NXN: variants seen among roughly 807,000 people sequenced by gnomAD.
The protein encoded by NXN is nucleoredoxin.
Under a neutral mutation model 48.6 loss-of-function variants are expected in NXN, and 16 were observed. The observed-to-expected ratio is 0.33, with a 90% CI of 0.22 to 0.50. NXN has a LOEUF of 0.50. Ranked by LOEUF, NXN falls within the 20% of genes least tolerant of loss-of-function variation. The probability of loss-of-function intolerance (pLI) is 0.98; values close to 1 mark genes in which losing one functional copy is unlikely to be tolerated. For missense variants in NXN, 492 were observed against 605.5 expected, an observed-to-expected ratio of 0.81 and a Z score of 1.97; for synonymous variants, 281 against 269.6, an observed-to-expected ratio of 1.04 and a Z score of -0.41.
intron 1 of NXN, among the ~76,000 whole-genome samples, chr17:929,048 T>C (rs1021736063): frequency 1.3e-5 from 2 of 152,224 alleles, no homozygotes; most frequent in African/African-American, 4.8e-5. Flanking sequence ...TGTGCTTTGT[T>C]TGGCTTTGCC....
intron 1 of NXN, among the ~76,000 whole-genome samples, chr17:827,579 C>T (rs1316051300): frequency 1.3e-5 from 2 of 152,166 alleles, no homozygotes; most frequent in African/African-American, 4.8e-5. Context: ...GCCAGGATCA[C>T]ACCACTGCAC....
At chr17:852,131 A>G (rs893585428) in intron 1 of NXN, among the ~76,000 whole-genome samples, 1 of 152,260 alleles carries the variant, frequency 6.6e-6, no homozygotes, top group African/African-American at 2.4e-5. Context: ...TTATCCCTGC[A>G]TGCCGGCCAA....
Position 979,393 on chromosome 17 carries a change from C to T in NXN, c.286G>A (p.Asp96Asn). 1 of 1,496,502 alleles carries T rather than the reference C, an allele frequency of 6.7e-7. No individual in the cohort carries two copies. Among genetic ancestry groups the T allele is most frequent in the Non-Finnish European group, 8.9e-7 (1 of 1,120,590 alleles). 92.7% of individuals were successfully genotyped at this position (1,496,502 alleles called of 1,614,324 possible). Residue 96 changes from aspartate (D) to asparagine (N), a missense_variant, in exon 1 of 8, where the codon GAC becomes AAC. By Grantham distance (23) the Asp-to-Asn change is conservative. This residue lies in a region of NXN where 186 missense variants were observed against 199.1 expected (regional missense o/e 0.93). Coordinates refer to ENST00000336868, the MANE Select transcript of NXN (RefSeq NM_022463.5). ...ACGAAGTCCTGCCACTGCCGCTGGT[C>T]CTGGTCCGAGGACACGAAGACGATC... ...LEIVFVSSDQDQRQWQDFVRD... is the reference protein window; with the variant it reads ...LEIVFVSSDQNQRQWQDFVRD...
At chr17:931,279 T>C in intron 1 of NXN, among the ~76,000 whole-genome samples, 1 of 129,520 alleles carries the variant, frequency 7.7e-6, no homozygotes, top group Non-Finnish European at 1.6e-5. Context: ...AGAGCGAGAC[T>C]CCATCCAAAA....
chr17:899,399 C>T (rs1292851063), intron 1 of NXN, among the ~76,000 whole-genome samples: 1 of 152,180 alleles, frequency 6.6e-6, no homozygotes, highest in Non-Finnish European at 1.5e-5. Context: ...CTGAGAGAGA[C>T]ACCTGGATGC....
intron 1 of NXN, among the ~76,000 whole-genome samples, chr17:843,917 T>A (rs2067829408): frequency 6.6e-6 from 1 of 152,096 alleles, no homozygotes; most frequent in Non-Finnish European, 1.5e-5. Flanking sequence ...CCCGTGAGAC[T>A]AAGAAAAAAG....
At position 805,973 on chromosome 17, in the gene NXN, T is replaced by C. The variant is rs540914236; in HGVS notation, c.821-726A>G. Among the ~76,000 whole-genome samples the C allele has an allele frequency of 7.9e-5, 12 of 152,178 alleles. No homozygotes were observed. The East Asian group carries it at 2.1e-3, about 27-fold the overall frequency. ...GTCAAACACGGAACAGGCAGTGCAG[T>C]GACCACACGGCGGACTTGCTGTGGC... On this transcript the variant is annotated intron_variant, in intron 5 of 7. Transcript: ENST00000336868.
intron 1 of NXN, among the ~76,000 whole-genome samples, chr17:957,203 C>G (rs377000293): frequency 6.6e-6 from 1 of 152,042 alleles, no homozygotes; most frequent in African/African-American, 2.4e-5. Context: ...GGCTTGAGAG[C>G]GTCCTCATCC....
At chr17:968,310 C>A (rs1459219888) in intron 1 of NXN, among the ~76,000 whole-genome samples, 1 of 152,182 alleles carries the variant, frequency 6.6e-6, no homozygotes, top group Non-Finnish European at 1.5e-5. Context: ...ACCAGTATCT[C>A]CCCCTGGCCT....
chr17:950,016 C>A (rs1385413099), intron 1 of NXN, among the ~76,000 whole-genome samples: 2 of 152,012 alleles, frequency 1.3e-5, no homozygotes, highest in Non-Finnish European at 2.9e-5. Flanking sequence ...CTGAAGACAG[C>A]CTGATGCTTA....
chr17:979,234 A>AGGGCAGGAGTAACGGGCGTGGGGGGC (rs2069503957), intron 1 of NXN, 85 bp downstream of exon 1: 5 of 457,912 alleles, frequency 1.1e-5, no homozygotes, highest in Admixed American at 1.2e-4. Flanking sequence ...GGGTTGGCGG[A>AGGGCAGGAGTAACGGGCGTGGGGGGC]GGGCAGGGGT....
intron 1 of NXN, among the ~76,000 whole-genome samples, chr17:963,809 G>A (rs2069268170): frequency 6.6e-6 from 1 of 152,166 alleles, no homozygotes; most frequent in Non-Finnish European, 1.5e-5. Flanking sequence ...CGGGCGCGGT[G>A]GCTCACGCCT....
intron 1 of NXN, among the ~76,000 whole-genome samples, chr17:856,176 AGT>A (rs1252406994): frequency 6.6e-6 from 1 of 151,848 alleles, no homozygotes; most frequent in Non-Finnish European, 1.5e-5. Flanking sequence ...CTGGCAACAA[AGT>A]GAGACTCCGT....
chr17:875,376 T>C (rs1435282063), intron 1 of NXN, among the ~76,000 whole-genome samples: 1 of 152,062 alleles, frequency 6.6e-6, no homozygotes, highest in African/African-American at 2.4e-5. Context: ...TTCTATACTA[T>C]TATCAACAAC....
intron 1 of NXN, among the ~76,000 whole-genome samples, chr17:885,307 G>A (rs565668282): frequency 9.9e-5 from 15 of 151,980 alleles, no homozygotes; most frequent in South Asian, 2.1e-4. Flanking sequence ...GTGACACCTC[G>A]TCTCTACTAA....
chr17:918,111 T>C (rs545275164), intron 1 of NXN, among the ~76,000 whole-genome samples: 10 of 152,118 alleles, frequency 6.6e-5, no homozygotes, highest in Admixed American at 1.3e-4. Context: ...ACTAAGAAGA[T>C]GGGCCAAAAA....
At chr17:875,391 T>C (rs2068203127) in intron 1 of NXN, among the ~76,000 whole-genome samples, 1 of 152,004 alleles carries the variant, frequency 6.6e-6, no homozygotes, top group Non-Finnish European at 1.5e-5. Flanking sequence ...AACAACCCCA[T>C]TGAGCAGATC....
chr17:881,116 A>C (rs967493496), intron 1 of NXN, among the ~76,000 whole-genome samples: 1 of 152,244 alleles, frequency 6.6e-6, no homozygotes, highest in Non-Finnish European at 1.5e-5. Flanking sequence ...GGTGTCATCA[A>C]GGAAATGCAA....
At chr17:904,715 T>TC (rs2068567817) in intron 1 of NXN, among the ~76,000 whole-genome samples, 1 of 152,138 alleles carries the variant, frequency 6.6e-6, no homozygotes, top group Non-Finnish European at 1.5e-5. Flanking sequence ...AGCTAATTTT[T>TC]GTATTTTTAG....
Sources: allele counts gnomAD v4.1 joint callset (sites outside exome capture counted in the v4.1 genomes callset), GRCh38; gene constraint gnomAD v4.1.1; regional missense constraint gnomAD v4.1.1; transcripts MANE v1.5; gene names NCBI Gene and HGNC (gene_info 2026-07-23, HGNC 2026-07-21).